Variants in ZNF570 observed in about 807,000 individuals in gnomAD.
ZNF570 encodes the protein zinc finger protein 570.
A neutral mutation model predicts 14.2 loss-of-function variants in ZNF570; 8 were observed. The ratio of observed to expected loss-of-function variants is 0.56; its 90% CI spans 0.33 to 1.02. The LOEUF is 1.02. ZNF570 is among the 50% of genes least tolerant of loss of function. The pLI is 0.03. For synonymous variants in ZNF570, 202 were observed against 207.6 expected (o/e 0.97, Z 0.23); for missense variants, 559 against 624.9 (o/e 0.89, Z 1.12).
intron 4 of ZNF570, 145 bp from the exon 5 acceptor site, chr19:37,483,734 T>G (rs1488970829): frequency 4.3e-5 from 32 of 744,202 alleles, no homozygotes; most frequent in Non-Finnish European, 6.0e-5. Flanking sequence ...CAGTTTCTCT[T>G]CTTGTACACT....
chr19:37,467,938 A>T, upstream of ZNF570: 1 of 1,536,066 alleles, frequency 6.5e-7, no homozygotes, highest in Non-Finnish European at 8.7e-7. Context: ...TGAGTGTGAC[A>T]GTGTTATTGG....
chr19:37,469,218 C>A (rs761421796), upstream of ZNF570: 12 of 1,315,934 alleles, frequency 9.1e-6, no homozygotes, highest in South Asian at 1.8e-5. Flanking sequence ...GTTACAAACC[C>A]TGCGCGGAGC....
At position 37,476,430 on chromosome 19, in the gene ZNF570, C is replaced by T; in HGVS notation, c.252C>T (p.Cys84=). 1.2e-6 allele frequency: 2 copies of T among 1,613,610 alleles called. No homozygotes were observed. Among genetic ancestry groups the T allele is most frequent in the Non-Finnish European group, 1.7e-6 (2 of 1,179,828 alleles). ...AGAGAGAGCTGACAAAAGGCTTGTG[C>T]TCAGGTTAGTGAAGAGGAAATTGGC... ...MVKRELTKGL[C]SGWEPICETE... Residue 84 remains cysteine (C), a synonymous_variant, in exon 4 of 5, where the codon TGC becomes TGT. Coordinates refer to ENST00000330173, the MANE Select transcript of ZNF570 (RefSeq NM_144694.5).
chr19:37,472,045 T>C (rs1003265347), intron 2 of ZNF570, among the ~76,000 whole-genome samples: 1 of 151,766 alleles, frequency 6.6e-6, no homozygotes, highest in Admixed American at 6.6e-5. Context: ...GCCTCCTGAG[T>C]ACAGGCACGT....
At position 37,487,808 on chromosome 19, in the gene ZNF570, A is replaced by G. The variant is rs905057376; in HGVS notation, c.*2575A>G. On this transcript the variant is annotated 3_prime_UTR_variant, in exon 5 of 5. Coordinates refer to ENST00000330173, the MANE Select transcript of ZNF570 (RefSeq NM_144694.5). ...GAGCAGCAAGAAAAATTTCGAATCT[A>G]TTTGTAGAAACTGCATATGATGATG... 3 of 152,132 alleles carry G rather than the reference A, an allele frequency of 2.0e-5. No homozygotes were observed. The highest frequency in any genetic ancestry group is 2.9e-5 in the Non-Finnish European group (2 of 68,018). The allele number at this position is 152,132 out of a possible 1,614,324, so 9.4% of individuals were successfully genotyped here.
At position 37,469,543 on chromosome 19, in the gene ZNF570, C is replaced by A; in HGVS notation, c.-66C>A. 1 of 1,536,438 alleles carries A rather than the reference C, an allele frequency of 6.5e-7. No individual in the cohort carries two copies. On this transcript the variant is annotated 5_prime_UTR_variant, in exon 1 of 5. Transcript: ENST00000330173. ...CTCGTCGCAGGCCATCTGTGTGACTCCGGTGCGAGTGGAGGTTGGTACCGT... is the reference window on the plus strand; with the variant it reads ...CTCGTCGCAGGCCATCTGTGTGACTACGGTGCGAGTGGAGGTTGGTACCGT...
intron 4 of ZNF570, among the ~76,000 whole-genome samples, chr19:37,478,149 CTT>C (rs2042048006): frequency 6.6e-6 from 1 of 152,076 alleles, no homozygotes; most frequent in African/African-American, 2.4e-5. Flanking sequence ...CAAATTTTAA[CTT>C]TTGATTCAAA....
intron 4 of ZNF570, among the ~76,000 whole-genome samples, chr19:37,476,655 A>C (rs2042027602): frequency 6.7e-6 from 1 of 149,778 alleles, no homozygotes; most frequent in Non-Finnish European, 1.5e-5. Flanking sequence ...ATCCCCTCTC[A>C]GTTTCATAAG....
At chr19:37,471,470 C>T (rs2041963581) in intron 2 of ZNF570, among the ~76,000 whole-genome samples, 1 of 152,208 alleles carries the variant, frequency 6.6e-6, no homozygotes, top group Non-Finnish European at 1.5e-5. Flanking sequence ...CCCATTACCA[C>T]TGGGTGTCGC....
intron 4 of ZNF570, 82 bp downstream of exon 4, chr19:37,476,516 G>T: frequency 7.0e-7 from 1 of 1,438,018 alleles, no homozygotes; most frequent in Non-Finnish European, 9.2e-7. Context: ...CACTCTTCAG[G>T]CTTCCAAATT....
chr19:37,469,051 T>C (rs577187546), upstream of ZNF570: 5 of 994,168 alleles, frequency 5.0e-6, no homozygotes, highest in East Asian at 5.4e-4. Flanking sequence ...GCAGAGCGCT[T>C]GTGCCTGCGC....
intron 2 of ZNF570, among the ~76,000 whole-genome samples, chr19:37,474,608 C>T (rs1600379551): frequency 6.6e-6 from 1 of 151,884 alleles, no homozygotes; most frequent in South Asian, 2.1e-4. Context: ...TATAGGTGCG[C>T]ACCACTATGC....
chr19:37,481,291 T>A (rs1413420666), intron 4 of ZNF570, among the ~76,000 whole-genome samples: 1 of 152,010 alleles, frequency 6.6e-6, no homozygotes, highest in African/African-American at 2.4e-5. Context: ...GTAGCTGGGA[T>A]TACAGGGCGT....
intron 2 of ZNF570, among the ~76,000 whole-genome samples, chr19:37,473,585 G>A (rs534247695): frequency 2.6e-5 from 4 of 152,200 alleles, no homozygotes; most frequent in African/African-American, 7.2e-5. Context: ...GGAGGTAGAA[G>A]TCAGAGTGGG....
chr19:37,485,389 AC>A lies in ZNF570; in HGVS notation c.*157del. On this transcript the variant is annotated 3_prime_UTR_variant, in exon 5 of 5. Coordinates refer to ENST00000330173, the MANE Select transcript of ZNF570 (RefSeq NM_144694.5). ...CCTTTAAATCCATTTCCCACAATGC[AC>A]TCAAACGGATCTTTTTTTTCTTTTT... 1.5e-6 allele frequency: 1 copy of A among 679,726 alleles called. No individual in the cohort carries two copies. The highest frequency in any genetic ancestry group is 3.4e-5 in the South Asian group (1 of 29,116). 42.1% of individuals were successfully genotyped at this position (679,726 alleles called of 1,614,324 possible). A position where few individuals can be genotyped will look rare whatever the true frequency, so the allele number is the denominator to read the frequency against.
chr19:37,477,580 G>A (rs1352344013), intron 4 of ZNF570, among the ~76,000 whole-genome samples: 1 of 151,948 alleles, frequency 6.6e-6, no homozygotes, highest in East Asian at 1.9e-4. Context: ...GATCTCAGGT[G>A]ATCCGCCAGC....
chr19:37,470,514 A>C (rs374891031), intron 2 of ZNF570, 127 bp downstream of exon 2: 16 of 797,590 alleles, frequency 2.0e-5, no homozygotes, highest in South Asian at 1.8e-4. Flanking sequence ...TCTCCATTGG[A>C]TTCCCATCTT....
Position 37,475,999 on chromosome 19 carries a change from T to A in ZNF570, c.152T>A (p.Val51Glu). 4 of 1,609,798 alleles carry A rather than the reference T, an allele frequency of 2.5e-6. No individual in the cohort carries two copies. Among genetic ancestry groups the A allele is most frequent in the Non-Finnish European group, 2.5e-6 (3 of 1,178,448 alleles). Residue 51 changes from valine (V) to glutamate (E), a missense_variant, in exon 3 of 5, where the codon GTA becomes GAA. Coordinates refer to ENST00000330173, the MANE Select transcript of ZNF570 (RefSeq NM_144694.5). The part of the protein sequence containing the change: ...NVMLENYRIL[V>E]SLGLCFSKPS... Reference sequence around the variant, plus strand: ...ATGCTAGAGAACTACAGGATCTTGGTATCACTGGGTAAGGATATCTTCTTG... The same window carrying A: ...ATGCTAGAGAACTACAGGATCTTGGAATCACTGGGTAAGGATATCTTCTTG...
chr19:37,468,442 G>A (rs184660219), upstream of ZNF570, among the ~76,000 whole-genome samples: 43 of 152,190 alleles, frequency 2.8e-4, no homozygotes, highest in African/African-American at 9.4e-4. Context: ...TCACGCCTGT[G>A]ATCCCAGCAC....
Sources: allele counts gnomAD v4.1 joint callset (sites outside exome capture counted in the v4.1 genomes callset), GRCh38; gene constraint gnomAD v4.1.1; transcripts MANE v1.5; gene names NCBI Gene and HGNC (gene_info 2026-07-23, HGNC 2026-07-21).